P4HA2: variants seen among roughly 807,000 people sequenced by gnomAD.
The protein encoded by P4HA2 is prolyl 4-hydroxylase subunit alpha 2.
In P4HA2, 46 loss-of-function variants were observed where a neutral mutation model predicts 76.9. The ratio of observed to expected loss-of-function variants is 0.60; its 90% confidence interval spans 0.47 to 0.76. The LOEUF is 0.76. P4HA2 is among the 30% of genes least tolerant of loss of function. The pLI, the probability that P4HA2 is intolerant of heterozygous loss-of-function variation, is 0.00. For missense variants in P4HA2, 583 were observed against 669.4 expected, an observed-to-expected ratio of 0.87 and a Z score of 1.42; for synonymous variants, 243 against 254.0, an observed-to-expected ratio of 0.96 and a Z score of 0.41.
At chr5:132,195,333 G>C (rs1381000431) in intron 13 of P4HA2, 79 bp downstream of exon 13, 1 of 1,063,956 alleles carries the variant, frequency 9.4e-7, no homozygotes, top group African/African-American at 1.5e-5. Flanking sequence ...AGGCAGGCCA[G>C]GTAATGGTAC....
intron 1 of P4HA2, among the ~76,000 whole-genome samples, chr5:132,219,163 A>G (rs1754309488): frequency 1.3e-5 from 2 of 152,230 alleles, no homozygotes; most frequent in South Asian, 2.1e-4. Context: ...ACCCAAACTA[A>G]GGTGTACAAC....
intron 1 of P4HA2, among the ~76,000 whole-genome samples, chr5:132,222,919 G>C (rs374914637): frequency 6.6e-6 from 1 of 152,252 alleles, no homozygotes; most frequent in African/African-American, 2.4e-5. Flanking sequence ...AGTCTTGGCA[G>C]AGACTTGGCA....
At position 132,210,423 on chromosome 5, in the gene P4HA2, C is replaced by T. The variant is rs200331616; in HGVS notation, c.570G>A (p.Glu190=). The T allele has an allele frequency of 2.6e-4, 415 of 1,614,040 alleles. No homozygotes were observed. The highest frequency in any genetic ancestry group is 3.3e-4 in the Non-Finnish European group (386 of 1,180,028). ...GDYYHTVLWM[E]QVLKQLDAGE... ...CGGCATCAAGCTGCTTTAGCACCTG[C>T]TCCATCCACAACACCGTATGATAAT... The change falls in exon 6 of 15, where the codon GAG becomes GAA. Residue 190 remains glutamate (E), a synonymous_variant. Transcript: ENST00000360568.
intron 8 of P4HA2, among the ~76,000 whole-genome samples, chr5:132,206,386 G>A: frequency 6.6e-6 from 1 of 152,138 alleles, no homozygotes; most frequent in East Asian, 1.9e-4. Context: ...CAAAGCCCTA[G>A]ATGTCCTAGT....
At chr5:132,198,772 A>C in intron 11 of P4HA2, 107 bp downstream of exon 11, 1 of 788,066 alleles carries the variant, frequency 1.3e-6, no homozygotes, top group South Asian at 1.5e-5. Flanking sequence ...GAGGGAGGAC[A>C]AGGGGTGGGG....
At position 132,209,278 on chromosome 5, in the gene P4HA2, C is replaced by T; in HGVS notation, c.763G>A (p.Glu255Lys). 2 of 1,614,170 alleles carry T rather than the reference C, an allele frequency of 1.2e-6. No homozygotes were observed. The highest frequency in any genetic ancestry group is 1.7e-6 in the Non-Finnish European group (2 of 1,180,016). The change falls in exon 7 of 15, where the codon GAG (glutamate) becomes AAG (lysine). Residue 255 changes from glutamate to lysine, a missense_variant. Transcript: ENST00000360568. The stretch of plus-strand genomic sequence containing the variant: ...GTTAACGTTTTTTCTCTCTCTTCCT[C>T]CAATAACTGCTCAAAGTACCGCAGA... ...GNLRYFEQLLEEEREKTLTNQ... is the reference protein window; with the variant it reads ...GNLRYFEQLLKEEREKTLTNQ...
In P4HA2 at chr5:132,191,683, C is replaced by G. The variant is rs1224508358; in HGVS notation, c.*1327G>C. Among the ~76,000 whole-genome samples, 1 of 152,058 alleles carries G rather than the reference C, an allele frequency of 6.6e-6. No individual in the cohort carries two copies. Among genetic ancestry groups the G allele is most frequent in the Non-Finnish European group, 1.5e-5 (1 of 68,024 alleles). ...TACTCCTGGTGAGAATGTGTATAAC[C>G]ACCTTGGAATACATTATTTAGTAAA... is the stretch of plus-strand genomic sequence containing the variant. On this transcript the variant is annotated 3_prime_UTR_variant, in exon 15 of 15. Transcript: ENST00000360568.
chr5:132,211,841 A>T (rs151318425), intron 5 of P4HA2, among the ~76,000 whole-genome samples: 1 of 152,246 alleles, frequency 6.6e-6, no homozygotes, highest in Admixed American at 6.5e-5. Flanking sequence ...CTAAATAAAG[A>T]TAATATCATC....
intron 5 of P4HA2, among the ~76,000 whole-genome samples, chr5:132,211,578 G>A (rs3792894): frequency 0.37 from 56,083 of 152,044 alleles, 10,968 homozygotes; most frequent in Non-Finnish European, 0.45. Context: ...AGGAAGTTGG[G>A]GACAGTAAAC....
rs111421540 is a variant in P4HA2 at position 132,207,501 on chromosome 5, A to T, written c.1080+207T>A. Among the ~76,000 whole-genome samples the T allele has an allele frequency of 8.1e-3, 1,232 of 152,262 alleles. 15 individuals are homozygous for T. The highest frequency in any genetic ancestry group is 0.028 in the African/African-American group (1,158 of 41,536). On this transcript the variant is annotated intron_variant, in intron 8 of 14. Coordinates refer to ENST00000360568, the MANE Select transcript of P4HA2 (RefSeq NM_001017974.2). ...CTTCTATGATAGCACTTGGCTGTCC[A>T]CATTGGTTACCCTGTTCTTCTTCCA...
rs376065163 is a variant in P4HA2 at position 132,195,394 on chromosome 5, A to G, written c.1434+18T>C. 6.3e-7 allele frequency: 1 copy of G among 1,580,024 alleles called. No homozygotes were observed. ...TGAGCCTTGCTTCAACCTCTGACCC[A>G]CAAGAATCAGAACTTACCTTCTTAG... On this transcript the variant is annotated intron_variant, in intron 13 of 14. Coordinates refer to ENST00000360568, the MANE Select transcript of P4HA2 (RefSeq NM_001017974.2).
At chr5:132,204,030 G>A in intron 9 of P4HA2, 52 bp downstream of exon 9, 2 of 1,458,874 alleles carry the variant, frequency 1.4e-6, no homozygotes, top group Non-Finnish European at 1.9e-6. Flanking sequence ...TAGGCACTGA[G>A]AAGTCCTGAA....
At chr5:132,198,790 T>C (rs1751064609) in intron 11 of P4HA2, 89 bp downstream of exon 11, 1 of 891,988 alleles carries the variant, frequency 1.1e-6, no homozygotes, top group Non-Finnish European at 1.9e-6. Flanking sequence ...GGGGTACTGA[T>C]GTGGAGGCTG....
At chr5:132,195,181 G>C (rs936258442) in intron 13 of P4HA2, 159 bp from the exon 14 acceptor site, 40 of 642,756 alleles carry the variant, frequency 6.2e-5, no homozygotes, top group African/African-American at 4.9e-4. Context: ...ACATTTCCCA[G>C]AAAGCACCTA....
intron 10 of P4HA2, chr5:132,201,830 C>T (rs1346762281): frequency 6.6e-6 from 1 of 152,170 alleles, no homozygotes; most frequent in Non-Finnish European, 1.5e-5. Flanking sequence ...GACAGGGATA[C>T]AGTGAGTACA....
At chr5:132,210,179 G>C in intron 6 of P4HA2, 105 bp downstream of exon 6, 1 of 1,322,046 alleles carries the variant, frequency 7.6e-7, no homozygotes, top group Non-Finnish European at 1.1e-6. Flanking sequence ...CAAGTGACAG[G>C]GTAAACTGAC....
chr5:132,197,878 G>A (rs577964079), intron 12 of P4HA2: 7 of 318,430 alleles, frequency 2.2e-5, no homozygotes, highest in African/African-American at 1.1e-4. Flanking sequence ...TGATGCTTGC[G>A]CACTATGAAT....
At chr5:132,212,470 C>A (rs1753218839) in intron 5 of P4HA2, among the ~76,000 whole-genome samples, 1 of 152,112 alleles carries the variant, frequency 6.6e-6, no homozygotes, top group Non-Finnish European at 1.5e-5. Flanking sequence ...CTGGCTTAGG[C>A]AGCCAGAGGA....
At chr5:132,210,636 C>T (rs756728888) in intron 5 of P4HA2, 113 bp from the exon 6 acceptor site, 26 of 1,002,212 alleles carry the variant, frequency 2.6e-5, no homozygotes, top group Middle Eastern at 4.2e-4. Flanking sequence ...CCAAGCAGAA[C>T]TCCATCGGAC....
Sources: allele counts gnomAD v4.1 joint callset (sites outside exome capture counted in the v4.1 genomes callset), GRCh38; gene constraint gnomAD v4.1.1; transcripts MANE v1.5; gene names NCBI Gene and HGNC (gene_info 2026-07-23, HGNC 2026-07-21).